The following SORCS3 variants were observed in gnomAD, a reference collection of about 807,000 sequenced individuals.
SORCS3 encodes sortilin related VPS10 domain containing receptor 3, also known as VPS10 domain-containing receptor SorCS3.
SORCS3 carries 57 observed loss-of-function variants against 146.3 expected under a neutral mutation model. The observed-to-expected ratio is 0.39, with a 90% CI of 0.31 to 0.49. The LOEUF is 0.49. Among genes scored for constraint, SORCS3 ranks in the 20% least tolerant of loss-of-function variants. The pLI, the probability that SORCS3 is intolerant of heterozygous loss-of-function variation, is 0.92. For missense variants in SORCS3, 1,341 were observed against 1,575.5 expected, an observed-to-expected ratio of 0.85 and a Z score of 2.52; for synonymous variants, 653 against 618.5, an observed-to-expected ratio of 1.06 and a Z score of -0.83.
intron 1 of SORCS3, among the ~76,000 whole-genome samples, chr10:104,748,843 A>G (rs1251067966): frequency 2.0e-5 from 3 of 152,050 alleles, no homozygotes; most frequent in Non-Finnish European, 4.4e-5. Context: ...AGGGAGCAAG[A>G]CTCCATCTGT....
At chr10:104,808,598 A>T (rs546087610) in intron 1 of SORCS3, among the ~76,000 whole-genome samples, 1 of 152,230 alleles carries the variant, frequency 6.6e-6, no homozygotes, top group Non-Finnish European at 1.5e-5. Context: ...AGAATGAGGC[A>T]TTGAGTAAAG....
At chr10:104,946,878 G>A (rs1465119122) in intron 3 of SORCS3, among the ~76,000 whole-genome samples, 1 of 152,146 alleles carries the variant, frequency 6.6e-6, no homozygotes, top group Non-Finnish European at 1.5e-5. Flanking sequence ...AGGAATAGAA[G>A]GCCTTGCTCC....
At chr10:105,199,741 G>A (rs1256591943) in intron 14 of SORCS3, among the ~76,000 whole-genome samples, 2 of 152,094 alleles carry the variant, frequency 1.3e-5, no homozygotes, top group African/African-American at 4.8e-5. Flanking sequence ...TATTTTAAAT[G>A]CTTCCTGTAA....
chr10:104,854,312 C>A (rs1355224505), intron 2 of SORCS3, among the ~76,000 whole-genome samples: 1 of 152,078 alleles, frequency 6.6e-6, no homozygotes, highest in African/African-American at 2.4e-5. Flanking sequence ...TTCACAAATT[C>A]TCCATTCTTC....
At chr10:105,118,033 G>A (rs117505618) in intron 7 of SORCS3, among the ~76,000 whole-genome samples, 27 of 152,146 alleles carry the variant, frequency 1.8e-4, no homozygotes, top group Non-Finnish European at 2.5e-4. Flanking sequence ...TTTCCTCAGT[G>A]TTCTTTCTAG....
chr10:104,693,727 C>T (rs2016141488), intron 1 of SORCS3, among the ~76,000 whole-genome samples: 1 of 152,142 alleles, frequency 6.6e-6, no homozygotes, highest in African/African-American at 2.4e-5. Context: ...GTCCAGGGAT[C>T]TATAGCTGGT....
At chr10:104,859,636 A>G (rs2018377640) in intron 2 of SORCS3, among the ~76,000 whole-genome samples, 1 of 152,240 alleles carries the variant, frequency 6.6e-6, no homozygotes, top group South Asian at 2.1e-4. Context: ...CAGGCAACCT[A>G]CAAAATGGGA....
At chr10:104,993,286 C>G (rs73351651) in intron 4 of SORCS3, among the ~76,000 whole-genome samples, 11,701 of 152,288 alleles carry the variant, frequency 0.077, 510 homozygotes, top group African/African-American at 0.11. Flanking sequence ...AGGGGATAAT[C>G]ACCTTCCTTT....
In SORCS3 at chr10:105,004,167, T is replaced by A. The variant is rs114559283; in HGVS notation, c.954+26674T>A. Among the ~76,000 whole-genome samples, 934 of 152,230 alleles carry A rather than the reference T, an allele frequency of 6.1e-3. 8 individuals are homozygous for A. The highest frequency in any genetic ancestry group is 0.021 in the African/African-American group (862 of 41,548). Reference sequence around the variant, plus strand: ...CAGTGCAGCTGTCTGCCTGACAGCATGGACTATGTAGGAAGCCTGGCGGGG... The same window carrying A: ...CAGTGCAGCTGTCTGCCTGACAGCAAGGACTATGTAGGAAGCCTGGCGGGG... On this transcript the variant is annotated intron_variant, in intron 4 of 26. Transcript: ENST00000369701.
chr10:105,071,796 C>G (rs2133726543), intron 5 of SORCS3, among the ~76,000 whole-genome samples: 1 of 152,238 alleles, frequency 6.6e-6, no homozygotes, highest in Middle Eastern at 3.4e-3. Flanking sequence ...TTTGTACCCA[C>G]AAAGCTCTCT....
At chr10:105,126,377 A>T (rs566179406) in intron 7 of SORCS3, among the ~76,000 whole-genome samples, 3 of 151,770 alleles carry the variant, frequency 2.0e-5, no homozygotes, top group Non-Finnish European at 4.4e-5. Context: ...TTCCCTCCCT[A>T]CCTTTTCTCT....
At chr10:104,746,524 TG>T (rs2016914028) in intron 1 of SORCS3, among the ~76,000 whole-genome samples, 1 of 152,270 alleles carries the variant, frequency 6.6e-6, no homozygotes, top group Admixed American at 6.5e-5. Context: ...TAAAAGCATT[TG>T]AAATCTATTT....
rs760091883 is a variant in SORCS3, at chr10:104,698,624, C to T, written c.627+56670C>T. On this transcript the variant is annotated intron_variant, in intron 1 of 26. Coordinates refer to ENST00000369701, the MANE Select transcript of SORCS3 (RefSeq NM_014978.3). ...ATAAAAAGTTATTTTGGAAGAAAGA[C>T]GGATGATGTCATTCATAATTAGACC... Among the ~76,000 whole-genome samples the T allele has an allele frequency of 7.2e-5, 11 of 152,186 alleles. No homozygotes were observed. In the South Asian group the frequency reaches 8.3e-4, roughly 11 times the overall value.
chr10:105,083,838 A>G (rs551749694), intron 5 of SORCS3, among the ~76,000 whole-genome samples: 3 of 152,354 alleles, frequency 2.0e-5, no homozygotes, highest in South Asian at 2.1e-4. Context: ...GCTGCTTTAA[A>G]GGGACTTACA....
At chr10:104,782,441 C>A (rs752610468) in intron 1 of SORCS3, among the ~76,000 whole-genome samples, 40 of 152,260 alleles carry the variant, frequency 2.6e-4, no homozygotes, top group Non-Finnish European at 5.0e-4. Flanking sequence ...GTCACTGGAA[C>A]CTGGGAGGAT....
At chr10:104,883,981 G>GGC (rs1043396520) in intron 2 of SORCS3, among the ~76,000 whole-genome samples, 6 of 151,750 alleles carry the variant, frequency 4.0e-5, no homozygotes, top group Admixed American at 3.3e-4. Context: ...GGAATGAGGG[G>GGC]GGGGAAAGGG....
chr10:105,085,848 G>A (rs537232445), intron 5 of SORCS3, among the ~76,000 whole-genome samples: 2 of 152,278 alleles, frequency 1.3e-5, no homozygotes, highest in South Asian at 4.1e-4. Flanking sequence ...GGTGGTGAAT[G>A]TGTGTGAAGC....
At chr10:104,898,678 C>A (rs1348024952) in intron 2 of SORCS3, among the ~76,000 whole-genome samples, 1 of 152,176 alleles carries the variant, frequency 6.6e-6, no homozygotes, top group Non-Finnish European at 1.5e-5. Context: ...CACTTTCATA[C>A]CTGGCAAAAA....
At chr10:104,936,462 G>C (rs1173089422) in intron 3 of SORCS3, among the ~76,000 whole-genome samples, 1 of 152,156 alleles carries the variant, frequency 6.6e-6, no homozygotes, top group African/African-American at 2.4e-5. Flanking sequence ...CAACTTGAGT[G>C]GCTGGGTAAA....
Sources: gnomAD v4.1 joint callset for allele counts (sites outside exome capture counted in the v4.1 genomes callset) on GRCh38, gnomAD v4.1.1 for gene constraint, MANE v1.5 for transcripts, NCBI Gene and HGNC (gene_info 2026-07-23, HGNC 2026-07-21) for gene names.